Variants in PRKAG2 observed in about 807,000 individuals in gnomAD.
PRKAG2 encodes 5'-AMP-activated protein kinase subunit gamma-2.
A neutral mutation model predicts 69.6 loss-of-function variants in PRKAG2; 26 were observed. That is an observed-to-expected ratio of 0.37 (90% CI 0.27 to 0.52). The LOEUF (loss-of-function observed/expected upper bound fraction) is 0.52, where lower values mean the gene tolerates loss of function less well. PRKAG2 is among the 20% of genes least tolerant of loss of function. PRKAG2 has a pLI of 0.90. For synonymous variants in PRKAG2, 293 were observed against 285.0 expected (o/e 1.03, Z -0.28); for missense variants, 557 against 740.0 (o/e 0.75, Z 2.87).
chr7:151,731,998 CAACT>C (rs1012906507), intron 3 of PRKAG2, among the ~76,000 whole-genome samples: 8 of 152,214 alleles, frequency 5.3e-5, no homozygotes, highest in Middle Eastern at 3.4e-3. Context: ...CAACCACACC[CAACT>C]AACTATTTTT....
intron 3 of PRKAG2, among the ~76,000 whole-genome samples, chr7:151,734,848 CTTTTTTTTTTT>C (rs35008070): frequency 3.3e-5 from 3 of 90,082 alleles, no homozygotes; most frequent in Non-Finnish European, 5.8e-5. Context: ...AAATCTGATT[CTTTTTTTTTTT>C]TTTTTTTTTT....
chr7:151,813,614 T>C (rs2078537948), intron 1 of PRKAG2, among the ~76,000 whole-genome samples: 1 of 152,120 alleles, frequency 6.6e-6, no homozygotes. Context: ...CTCTACTTGT[T>C]GCTGCAAATT....
chr7:151,863,688 G>A (rs888175812), intron 1 of PRKAG2, among the ~76,000 whole-genome samples: 6 of 152,228 alleles, frequency 3.9e-5, no homozygotes, highest in Non-Finnish European at 8.8e-5. Context: ...GGCCACCGCA[G>A]GAGGACTGCT....
chr7:151,557,256 G>T, intron 15 of PRKAG2, 24 bp from the exon 16 acceptor site: 1 of 1,613,960 alleles, frequency 6.2e-7, no homozygotes, highest in Non-Finnish European at 8.5e-7. Flanking sequence ...GAAGATGAAA[G>T]TTTCAAAGCT....
intron 4 of PRKAG2, among the ~76,000 whole-genome samples, chr7:151,657,985 C>T (rs908724344): frequency 2.0e-5 from 3 of 150,906 alleles, no homozygotes; most frequent in African/African-American, 7.3e-5. Context: ...CAGTGAAACC[C>T]CATCTCTACT....
At chr7:151,588,827 A>T (rs534683067) in intron 6 of PRKAG2, among the ~76,000 whole-genome samples, 1 of 152,186 alleles carries the variant, frequency 6.6e-6, no homozygotes, top group South Asian at 2.1e-4. Flanking sequence ...TAAATTACCC[A>T]GTCTCAGGTA....
chr7:151,860,069 C>T (rs2079880367), intron 1 of PRKAG2, among the ~76,000 whole-genome samples: 2 of 152,216 alleles, frequency 1.3e-5, no homozygotes, highest in African/African-American at 4.8e-5. Flanking sequence ...TCACAGAAGC[C>T]TAGAATGCTG....
chr7:151,571,593 C>T (rs934691948), intron 9 of PRKAG2, among the ~76,000 whole-genome samples: 5 of 152,278 alleles, frequency 3.3e-5, no homozygotes, highest in South Asian at 2.1e-4. Flanking sequence ...AATGTCAAAA[C>T]GTAAACATAC....
chr7:151,562,841 G>C (rs1417003642), intron 14 of PRKAG2, among the ~76,000 whole-genome samples: 1 of 142,786 alleles, frequency 7.0e-6, no homozygotes, highest in African/African-American at 2.7e-5. Flanking sequence ...TGTAGTCCCA[G>C]CTACTCGGGA....
Position 151,564,093 on chromosome 7 carries a change from T to A in PRKAG2, c.1569A>T (p.Arg523Ser). 6.2e-7 allele frequency: 1 copy of A among 1,614,124 alleles called. No homozygotes were observed. The highest frequency in any genetic ancestry group is 8.5e-7 in the Non-Finnish European group (1 of 1,180,016). The part of the protein sequence containing the change: ...KLEILETIVD[R>S]IVRAEVHRLV... Reference sequence around the variant, plus strand: ...GCCGTCTCACCTCAGCTCTTACTATTCTGTCCACGATGGTCTCCAGTATTT... The same window carrying A: ...GCCGTCTCACCTCAGCTCTTACTATACTGTCCACGATGGTCTCCAGTATTT... Residue 523 changes from arginine (R) to serine (S), a missense_variant, in exon 14 of 16, where the codon AGA (arginine) becomes AGT (serine). Physicochemically the swap from Arg to Ser is moderately radical, Grantham distance 110 (BLOSUM62 -1). Around this residue, in one of 2 missense-constraint regions of PRKAG2, gnomAD observed 205 missense variants for 383.4 expected, o/e 0.53. Coordinates refer to ENST00000287878, the MANE Select transcript of PRKAG2 (RefSeq NM_016203.4).
intron 3 of PRKAG2, among the ~76,000 whole-genome samples, chr7:151,772,461 CTA>C (rs750756266): frequency 3.9e-5 from 6 of 152,226 alleles, no homozygotes; most frequent in African/African-American, 7.2e-5. Context: ...TTCATTCTTT[CTA>C]ACAGGAATGC....
chr7:151,761,791 G>A (rs962425696), intron 3 of PRKAG2, among the ~76,000 whole-genome samples: 2 of 152,190 alleles, frequency 1.3e-5, no homozygotes, highest in Admixed American at 6.5e-5. Context: ...TGCCAACTGC[G>A]TGGAGAATCA....
chr7:151,769,847 C>G (rs933929300), intron 3 of PRKAG2, among the ~76,000 whole-genome samples: 8 of 152,198 alleles, frequency 5.3e-5, no homozygotes, highest in Admixed American at 1.3e-4. Flanking sequence ...GAGTGGGCAC[C>G]TAACCTGCTG....
intron 3 of PRKAG2, among the ~76,000 whole-genome samples, chr7:151,736,768 G>A (rs1237222552): frequency 1.3e-5 from 2 of 152,298 alleles, no homozygotes; most frequent in East Asian, 1.9e-4. Flanking sequence ...GGAATTTAAC[G>A]GAAGGTCTTC....
intron 3 of PRKAG2, among the ~76,000 whole-genome samples, chr7:151,720,066 AG>A (rs1464282305): frequency 6.6e-6 from 1 of 152,196 alleles, no homozygotes; most frequent in Admixed American, 6.5e-5. Flanking sequence ...GCACTGGCCC[AG>A]GGGCGAGCCC....
chr7:151,632,259 G>T lies in PRKAG2; in HGVS notation c.685-121C>A. On this transcript the variant is annotated intron_variant, in intron 4 of 15. Coordinates refer to ENST00000287878, the MANE Select transcript of PRKAG2 (RefSeq NM_016203.4). This position sits in a 1 kb window ranked among gnomAD's most constrained non-coding sequence, Gnocchi z 4.2. ...GCCGCGCCGCCGGGAGGAGGGGCCTGGCAGGGGACGCGGGCAGCGGGGGCC... is the reference window on the plus strand; with the variant it reads ...GCCGCGCCGCCGGGAGGAGGGGCCTTGCAGGGGACGCGGGCAGCGGGGGCC... 9.5e-7 allele frequency: 1 copy of T among 1,047,254 alleles called. No individual in the cohort carries two copies. The highest frequency in any genetic ancestry group is 1.1e-6 in the Non-Finnish European group (1 of 870,520). 64.9% of individuals were successfully genotyped at this position (1,047,254 alleles called of 1,614,324 possible). A position where few individuals can be genotyped will look rare whatever the true frequency, so the allele number is the denominator to read the frequency against.
intron 1 of PRKAG2, among the ~76,000 whole-genome samples, chr7:151,792,024 C>T (rs973678562): frequency 8.6e-5 from 13 of 152,000 alleles, no homozygotes; most frequent in African/African-American, 3.1e-4. Context: ...GTAACCAGGT[C>T]CACCTGCTCC....
rs751278421 is a variant in PRKAG2, at chr7:151,675,241, T to G, written c.684+179A>C. 526 of 727,928 alleles carry G rather than the reference T, an allele frequency of 7.2e-4. 1 individual carries two copies. The highest frequency in any genetic ancestry group is 1.1e-3 in the Non-Finnish European group (465 of 414,292). The allele number at this position is 727,928 out of a possible 1,614,324, so 45.1% of individuals were successfully genotyped here. A position where few individuals can be genotyped will look rare whatever the true frequency, so the allele number is the denominator to read the frequency against. ...CAGCTATTTTTTGTGTATTTCCATT[T>G]GCTATTGTGCCCTCACCATTTCTCC... On this transcript the variant is annotated intron_variant, in intron 4 of 15. Coordinates refer to ENST00000287878, the MANE Select transcript of PRKAG2 (RefSeq NM_016203.4).
intron 4 of PRKAG2, among the ~76,000 whole-genome samples, chr7:151,639,764 G>A (rs1272786159): frequency 6.6e-6 from 1 of 152,164 alleles, no homozygotes; most frequent in Non-Finnish European, 1.5e-5. Flanking sequence ...CTTGGACTGA[G>A]CCACGCTACC....
Sources: allele counts gnomAD v4.1 joint callset (sites outside exome capture counted in the v4.1 genomes callset), GRCh38; gene constraint gnomAD v4.1.1; regional missense constraint gnomAD v4.1.1; non-coding constraint Gnocchi (gnomAD v3.1); transcripts MANE v1.5; gene names NCBI Gene and HGNC (gene_info 2026-07-23, HGNC 2026-07-21).